COL16A1: variants seen among roughly 807,000 people sequenced by gnomAD.
COL16A1 encodes collagen alpha-1(XVI) chain.
In COL16A1, 189 loss-of-function variants were observed where a neutral mutation model predicts 266.3. That is an observed-to-expected ratio of 0.71 (90% CI 0.63 to 0.80). The LOEUF is 0.80. Ranked by LOEUF, COL16A1 falls within the 30% of genes least tolerant of loss-of-function variation. COL16A1 has a pLI of 0.00. For missense variants in COL16A1, 1,928 were observed against 2,122.4 expected (o/e 0.91, Z 1.80); for synonymous variants, 740 against 782.3 (o/e 0.95, Z 0.90).
chr1:31,693,271 C>G (rs759123522), intron 12 of COL16A1, 117 bp from the exon 13 acceptor site: 1 of 702,478 alleles, frequency 1.4e-6, no homozygotes. Context: ...TACGCAAATA[C>G]GCACACATGT....
chr1:31,657,657 G>T lies in COL16A1; in HGVS notation c.4021-589C>A, dbSNP rs1049570725. ...CCCAGCCCAGGCCACCAGCCCCACGGTCACTGCTGCTGCCCCCCAGAAAAA... is the reference window on the plus strand; with the variant it reads ...CCCAGCCCAGGCCACCAGCCCCACGTTCACTGCTGCTGCCCCCCAGAAAAA... On this transcript the variant is annotated intron_variant, in intron 64 of 70. Transcript: ENST00000373672. The surrounding 1 kb of genome is among the most constrained non-coding windows in gnomAD (Gnocchi z 6.4). 6.6e-6 allele frequency among the ~76,000 whole-genome samples: 1 copy of T among 152,212 alleles called. No individual in the cohort carries two copies. The highest frequency in any genetic ancestry group is 1.5e-5 in the Non-Finnish European group (1 of 68,038).
chr1:31,668,836 C>T lies in COL16A1; in HGVS notation c.3215G>A (p.Gly1072Asp). Residue 1072 changes from glycine to aspartate, a missense_variant, in exon 50 of 71, where the codon GGT (glycine) becomes GAT (aspartate). Physicochemically the swap from Gly to Asp is moderately conservative, Grantham distance 94. This residue lies in a region of COL16A1 where 1,552 missense variants were observed against 1,637.2 expected (regional missense o/e 0.95). Coordinates refer to ENST00000373672, the MANE Select transcript of COL16A1 (RefSeq NM_001856.4). This position sits in a 1 kb window ranked among gnomAD's most constrained non-coding sequence, Gnocchi z 5.8. ...CTTGTCTCCAGTCAGGCCCGTGAGA[C>T]CTCGCTCTCCTTGAAGGCCCTTGGA... ...PGLPGLQGER[G>D]LTGLTGDKGE... 1 of 1,613,846 alleles carries T rather than the reference C, an allele frequency of 6.2e-7. No homozygotes were observed.
At position 31,661,084 on chromosome 1, in the gene COL16A1, A is replaced by G. The variant is rs1428867571; in HGVS notation, c.3807T>C (p.Thr1269=). 1 of 1,566,010 alleles carries G rather than the reference A, an allele frequency of 6.4e-7. No individual in the cohort carries two copies. Among genetic ancestry groups the G allele is most frequent in the Non-Finnish European group, 8.7e-7 (1 of 1,154,254 alleles). Residue 1269 remains threonine, a synonymous_variant, in exon 61 of 71, where the codon ACT becomes ACC. Transcript: ENST00000373672. ...DCGKPGPPGS[T]GRPGAEGEPG... ...CCCTCACCTCTGCGCCAGGCCGGCCAGTGCTGCCAGGGGGACCTGGTTTGC... is the reference window on the plus strand; with the variant it reads ...CCCTCACCTCTGCGCCAGGCCGGCCGGTGCTGCCAGGGGGACCTGGTTTGC...
Position 31,693,002 on chromosome 1 carries a change from G to A in COL16A1, c.1071+90C>T. 3 of 1,035,188 alleles carry A rather than the reference G, an allele frequency of 2.9e-6. No individual in the cohort carries two copies. The Middle Eastern group carries it at 7.6e-4, about 264-fold the overall frequency. 64.1% of individuals were successfully genotyped at this position (1,035,188 alleles called of 1,614,324 possible). On this transcript the variant is annotated intron_variant, in intron 13 of 70. Coordinates refer to ENST00000373672, the MANE Select transcript of COL16A1 (RefSeq NM_001856.4). ...ATCTGGGCCAAGCTGCAGGCTTTCT[G>A]CCGGGATGATGGGATGATGGCTCAC...
At position 31,698,681 on chromosome 1, in the gene COL16A1, C is replaced by T. The variant is rs1297482415; in HGVS notation, c.267-75G>A. Reference sequence around the variant, plus strand: ...TGCTGCCCACCCTGAGCCCTCAGGACTGCTGAGCCTACCCAAGACATCCAC... The same window carrying T: ...TGCTGCCCACCCTGAGCCCTCAGGATTGCTGAGCCTACCCAAGACATCCAC... On this transcript the variant is annotated intron_variant, in intron 4 of 70. Transcript: ENST00000373672. This position sits in a 1 kb window ranked among gnomAD's most constrained non-coding sequence, Gnocchi z 4.1. 20 of 1,573,522 alleles carry T rather than the reference C, an allele frequency of 1.3e-5. No individual in the cohort carries two copies. In the East Asian group the frequency reaches 4.5e-4, roughly 35 times the overall value.
chr1:31,653,558 G>A (rs1430760615), intron 70 of COL16A1, 41 bp downstream of exon 70: 6 of 1,592,392 alleles, frequency 3.8e-6, no homozygotes, highest in Middle Eastern at 1.8e-4. Flanking sequence ...AGGGGTCTCT[G>A]CTGCTCTGGA....
At position 31,660,462 on chromosome 1, in the gene COL16A1, G is replaced by A. The variant is rs1174728119; in HGVS notation, c.3879+123C>T. 5 of 1,300,888 alleles carry A rather than the reference G, an allele frequency of 3.8e-6. No homozygotes were observed. In the African/African-American group the frequency reaches 6.0e-5, roughly 16 times the overall value. 80.6% of individuals were successfully genotyped at this position (1,300,888 alleles called of 1,614,324 possible). On this transcript the variant is annotated intron_variant, in intron 62 of 70. Transcript: ENST00000373672. ...AAACCACAGAAGGAGTGGCCCCCGT[G>A]CTCCCACGGCTGGGGCAGCCCCTAT...
At position 31,673,007 on chromosome 1, in the gene COL16A1, A is replaced by T. The variant is rs1416525125; in HGVS notation, c.2860-167T>A. Reference sequence around the variant, plus strand: ...CGCATCCCTGCGGCAGCTTTGCTCCATCCTCGGGGGACCCACTCCCAACAA... The same window carrying T: ...CGCATCCCTGCGGCAGCTTTGCTCCTTCCTCGGGGGACCCACTCCCAACAA... On this transcript the variant is annotated intron_variant, in intron 44 of 70. Transcript: ENST00000373672. The T allele has an allele frequency of 2.4e-5, 17 of 713,846 alleles. No individual in the cohort carries two copies. The East Asian group carries it at 4.6e-4, about 19-fold the overall frequency. 44.2% of individuals were successfully genotyped at this position (713,846 alleles called of 1,614,324 possible).
Position 31,688,475 on chromosome 1 carries a change from C to T in COL16A1, c.1795G>A (p.Gly599Arg). 1 of 1,614,180 alleles carries T rather than the reference C, an allele frequency of 6.2e-7. No homozygotes were observed. Among genetic ancestry groups the T allele is most frequent in the Non-Finnish European group, 8.5e-7 (1 of 1,180,032 alleles). ...PGRAGVPGLK[G>R]EKGNFGEAGP... The stretch of plus-strand genomic sequence containing the variant: ...TCTAACCCAGGTCTCACCTTCTCTC[C>T]TTTCAGCCCTGGAACCCCAGCTCTA... The change falls in exon 26 of 71, where the codon GGA (glycine) becomes AGA (arginine). Residue 599 changes from glycine to arginine, a missense_variant. Coordinates refer to ENST00000373672, the MANE Select transcript of COL16A1 (RefSeq NM_001856.4). This position sits in a 1 kb window ranked among gnomAD's most constrained non-coding sequence, Gnocchi z 4.9.
intron 42 of COL16A1, 40 bp downstream of exon 42, chr1:31,679,592 C>G (rs1365917698): frequency 6.2e-7 from 1 of 1,614,194 alleles, no homozygotes. Context: ...GACCCATGAG[C>G]TCTGCCACCC....
intron 42 of COL16A1, chr1:31,679,379 G>T: frequency 6.6e-7 from 1 of 1,505,812 alleles, no homozygotes; most frequent in South Asian, 1.3e-5. Flanking sequence ...ATTTTTATCT[G>T]ACCCAGATTG....
rs766909433 is a variant in COL16A1 at position 31,667,639 on chromosome 1, G to A, written c.3304-11C>T. 13 of 1,602,890 alleles carry A rather than the reference G, an allele frequency of 8.1e-6. No individual in the cohort carries two copies. The African/African-American group carries it at 1.6e-4, about 20-fold the overall frequency. ...CTCCCCCTTGATGCCCTGACAAGTGGCAAAGAGACAGTGGAATTAGCCCCA... is the reference window on the plus strand; with the variant it reads ...CTCCCCCTTGATGCCCTGACAAGTGACAAAGAGACAGTGGAATTAGCCCCA... On this transcript the variant is annotated splice_polypyrimidine_tract_variant and intron_variant, in intron 51 of 70. Coordinates refer to ENST00000373672, the MANE Select transcript of COL16A1 (RefSeq NM_001856.4).
At chr1:31,653,464 A>G (rs1214799680) in intron 70 of COL16A1, 135 bp downstream of exon 70, 1 of 1,060,296 alleles carries the variant, frequency 9.4e-7, no homozygotes, top group Non-Finnish European at 1.3e-6. Flanking sequence ...TCTTGCACAC[A>G]GTGGCATTCC....
At chr1:31,702,779 A>G (rs1300512584) in intron 1 of COL16A1, among the ~76,000 whole-genome samples, 1 of 152,180 alleles carries the variant, frequency 6.6e-6, no homozygotes, top group Non-Finnish European at 1.5e-5. Flanking sequence ...ACAGCCTTCC[A>G]TAGGGCTGTG....
In COL16A1 at chr1:31,693,162, T is replaced by C. The variant is rs1377699323; in HGVS notation, c.1009-8A>G. ...CCGCTCACCTTTCCCTCCCTGAGAG[T>C]GAAACCAGAATGGAAGATAGGACCA... On this transcript the variant is annotated splice_polypyrimidine_tract_variant and splice_region_variant and intron_variant, in intron 12 of 70. Transcript: ENST00000373672. The C allele has an allele frequency of 1.3e-6, 2 of 1,596,510 alleles. No individual in the cohort carries two copies. Among genetic ancestry groups the C allele is most frequent in the Admixed American group, 3.3e-5 (2 of 59,934 alleles).
chr1:31,689,734 C>A lies in COL16A1; in HGVS notation c.1620+7G>T. The stretch of plus-strand genomic sequence containing the variant: ...GAGGTCCCTCAATGGTCACCCTGGG[C>A]ACTCACCCTGGCTGGTACAGGATCA... On this transcript the variant is annotated splice_region_variant and intron_variant, in intron 23 of 70. Transcript: ENST00000373672. The A allele has an allele frequency of 6.2e-7, 1 of 1,610,408 alleles. No homozygotes were observed. Among genetic ancestry groups the A allele is most frequent in the Non-Finnish European group, 8.5e-7 (1 of 1,176,638 alleles).
chr1:31,653,824 A>G (rs752089802), intron 69 of COL16A1, 43 bp downstream of exon 69: 4 of 1,584,772 alleles, frequency 2.5e-6, no homozygotes, highest in East Asian at 2.2e-5. Flanking sequence ...GGCCTGCCCC[A>G]AAGAATTACA....
At chr1:31,692,855 T>A (rs140138691) in intron 13 of COL16A1, 47 bp from the exon 14 acceptor site, 1 of 1,565,408 alleles carries the variant, frequency 6.4e-7, no homozygotes. Flanking sequence ...CCTGGGGAAG[T>A]CCCCTAGATG....
rs1459560423 is a variant in COL16A1, at chr1:31,672,601, C to T, written c.3013G>A (p.Ala1005Thr). ...LSLERPRAEE[A>T]RGDNSEGDPG... The stretch of plus-strand genomic sequence containing the variant: ...AGATAAGGCGAGGCACTCACCCGGG[C>T]CTCCTCGGCTCTTGGGCGCTCCAGT... The change falls in exon 46 of 71, where the codon GCC becomes ACC. Residue 1005 changes from alanine to threonine, a missense_variant. Physicochemically the swap from Ala to Thr is moderately conservative, Grantham distance 58. Coordinates refer to ENST00000373672, the MANE Select transcript of COL16A1 (RefSeq NM_001856.4). The T allele has an allele frequency of 6.2e-7, 1 of 1,606,662 alleles. No individual in the cohort carries two copies. The highest frequency in any genetic ancestry group is 1.7e-5 in the Admixed American group (1 of 59,648).
Sources: gnomAD v4.1 joint callset for allele counts (sites outside exome capture counted in the v4.1 genomes callset) on GRCh38, gnomAD v4.1.1 for gene constraint, gnomAD v4.1.1 regional missense constraint, Gnocchi (gnomAD v3.1) non-coding constraint, MANE v1.5 for transcripts, NCBI Gene and HGNC (gene_info 2026-07-23, HGNC 2026-07-21) for gene names.